Variants in PIK3C2G observed in about 807,000 individuals in gnomAD.
The protein encoded by PIK3C2G is phosphatidylinositol 3-kinase C2 domain-containing subunit gamma.
Under a neutral mutation model 181.1 loss-of-function variants are expected in PIK3C2G, and 168 were observed. That is an observed-to-expected ratio of 0.93 (90% confidence interval 0.82 to 1.05). The LOEUF (loss-of-function observed/expected upper bound fraction) is 1.05, where lower values mean the gene tolerates loss of function less well. PIK3C2G is among the 50% of genes least tolerant of loss of function. The pLI is 0.00. For missense variants in PIK3C2G, 1,869 were observed against 1,732.8 expected (o/e 1.08, Z -1.40); for synonymous variants, 573 against 592.2 (o/e 0.97, Z 0.47).
intron 18 of PIK3C2G, among the ~76,000 whole-genome samples, chr12:18,455,787 C>T (rs1349604572): frequency 6.6e-6 from 1 of 152,150 alleles, no homozygotes; most frequent in African/African-American, 2.4e-5. Flanking sequence ...GACCTAATCA[C>T]ATCCCAAAGG....
chr12:18,600,294 A>G (rs577255630), intron 30 of PIK3C2G, among the ~76,000 whole-genome samples: 1 of 152,162 alleles, frequency 6.6e-6, no homozygotes, highest in Admixed American at 6.5e-5. Context: ...TAGGAATTAA[A>G]AAAAAATCTT....
the PIK3C2G span, among the ~76,000 whole-genome samples, chr12:18,668,113 C>T: frequency 1.3e-5 from 2 of 152,112 alleles, no homozygotes; most frequent in Non-Finnish European, 2.9e-5. Flanking sequence ...TTTCTTAGCC[C>T]CAACTTGTAT....
At position 18,594,537 on chromosome 12, in the gene PIK3C2G, A is replaced by C. The variant is rs368190625; in HGVS notation, c.4055A>C (p.Gln1352Pro). Residue 1352 changes from glutamine to proline, a missense_variant, in exon 30 of 33, where the codon CAA becomes CCA. Transcript: ENST00000538779. ...LSFFLSEAVQ[Q>P]TVEESSPVYL... ...TTTTTCCTCTCTGAGGCTGTGCAAC[A>C]AACAGTTGAAGAATCATCACCTGTG... is the stretch of plus-strand genomic sequence containing the variant. 1 of 1,554,658 alleles carries C rather than the reference A, an allele frequency of 6.4e-7. No homozygotes were observed. Among genetic ancestry groups the C allele is most frequent in the East Asian group, 2.4e-5 (1 of 40,876 alleles).
chr12:18,559,309 A>G (rs78899948), intron 26 of PIK3C2G, among the ~76,000 whole-genome samples: 5,576 of 152,262 alleles, frequency 0.037, 144 homozygotes, highest in Non-Finnish European at 0.056. Flanking sequence ...AAAACTAGGC[A>G]ACAAGGTATA....
chr12:18,296,963 T>C (rs11044011), intron 5 of PIK3C2G, among the ~76,000 whole-genome samples: 12,236 of 152,132 alleles, frequency 0.08, 545 homozygotes, highest in Non-Finnish European at 0.093. Flanking sequence ...TCCTGTTCTT[T>C]AACTCCCGGT....
At chr12:18,724,830 T>G in the PIK3C2G span, among the ~76,000 whole-genome samples, 2 of 152,078 alleles carry the variant, frequency 1.3e-5, no homozygotes, top group Admixed American at 1.3e-4. Flanking sequence ...CCTGAAAATT[T>G]TGGTTATAGA....
At chr12:18,528,094 T>C (rs1318600232) in intron 24 of PIK3C2G, among the ~76,000 whole-genome samples, 1 of 152,206 alleles carries the variant, frequency 6.6e-6, no homozygotes, top group Non-Finnish European at 1.5e-5. Flanking sequence ...GTTCTCATCA[T>C]ATTGTACATG....
At chr12:18,340,411 A>G (rs12306585) in intron 9 of PIK3C2G, among the ~76,000 whole-genome samples, 15,377 of 152,254 alleles carry the variant, frequency 0.1, 857 homozygotes, top group Middle Eastern at 0.21. Flanking sequence ...AGCTTGTATC[A>G]GAGTCTTAAA....
intron 26 of PIK3C2G, among the ~76,000 whole-genome samples, chr12:18,560,470 G>T (rs1371198613): frequency 6.6e-6 from 1 of 151,874 alleles, no homozygotes; most frequent in Non-Finnish European, 1.5e-5. Context: ...GGAAGTGACT[G>T]AACCCAAGAA....
chr12:18,539,898 G>A (rs1944059720), intron 25 of PIK3C2G, among the ~76,000 whole-genome samples: 1 of 151,792 alleles, frequency 6.6e-6, no homozygotes, highest in Non-Finnish European at 1.5e-5. Flanking sequence ...TTCAGTAATA[G>A]CCAAGGATTC....
the PIK3C2G span, among the ~76,000 whole-genome samples, chr12:18,716,632 A>C: frequency 6.6e-6 from 1 of 152,200 alleles, no homozygotes; most frequent in African/African-American, 2.4e-5. Context: ...TAGGAAACTT[A>C]CAGGTGATAG....
At chr12:18,501,657 G>A (rs911514951) in intron 22 of PIK3C2G, among the ~76,000 whole-genome samples, 2 of 152,198 alleles carry the variant, frequency 1.3e-5, no homozygotes, top group Non-Finnish European at 2.9e-5. Flanking sequence ...AGCTTAAAAT[G>A]TATAAAATGT....
At chr12:18,578,451 C>G (rs955455801) in intron 29 of PIK3C2G, among the ~76,000 whole-genome samples, 1 of 152,078 alleles carries the variant, frequency 6.6e-6, no homozygotes, top group African/African-American at 2.4e-5. Context: ...CACTCATGCT[C>G]TCTGTGTTGC....
rs771634346 is a variant in PIK3C2G, at chr12:18,497,578, T to C, written c.2887-41T>C. ...TATTTGACTGCTTTTAATTAACAAA[T>C]TCAAGGAAAAACCCAGGGTCTATAA... On this transcript the variant is annotated intron_variant, in intron 21 of 32. Transcript: ENST00000538779. 16 of 1,561,356 alleles carry C rather than the reference T, an allele frequency of 1.0e-5. No individual in the cohort carries two copies. The East Asian group carries it at 3.7e-4, about 36-fold the overall frequency.
intron 5 of PIK3C2G, among the ~76,000 whole-genome samples, chr12:18,311,908 C>A (rs768972214): frequency 6.6e-6 from 1 of 152,096 alleles, no homozygotes; most frequent in Non-Finnish European, 1.5e-5. Flanking sequence ...GACAATGCAG[C>A]CTTCAGTCTG....
intron 5 of PIK3C2G, among the ~76,000 whole-genome samples, chr12:18,307,239 C>T (rs1185109907): frequency 6.6e-6 from 1 of 151,134 alleles, no homozygotes; most frequent in African/African-American, 2.4e-5. Context: ...AATTCAGCCT[C>T]TTAGTGTTCA....
chr12:18,512,976 T>A (rs1232965783), intron 24 of PIK3C2G, among the ~76,000 whole-genome samples: 1 of 151,852 alleles, frequency 6.6e-6, no homozygotes, highest in Non-Finnish European at 1.5e-5. Flanking sequence ...TCCTTTATAC[T>A]TAATCTGTGG....
intron 1 of PIK3C2G, among the ~76,000 whole-genome samples, chr12:18,266,033 A>C (rs1948479942): frequency 6.6e-6 from 1 of 151,024 alleles, no homozygotes; most frequent in South Asian, 2.1e-4. Context: ...AAAAAAAAAA[A>C]AAAAAAAACA....
At chr12:18,478,114 G>T (rs912132197) in intron 18 of PIK3C2G, among the ~76,000 whole-genome samples, 1 of 151,900 alleles carries the variant, frequency 6.6e-6, no homozygotes, top group Non-Finnish European at 1.5e-5. Flanking sequence ...GTATTTAGAA[G>T]AAAAAAGAGA....
Sources: allele counts gnomAD v4.1 joint callset (sites outside exome capture counted in the v4.1 genomes callset), GRCh38; gene constraint gnomAD v4.1.1; transcripts MANE v1.5; gene names NCBI Gene and HGNC (gene_info 2026-07-23, HGNC 2026-07-21).